Variants in RANBP9 observed in about 807,000 individuals in gnomAD.
RANBP9 encodes ran-binding protein 9.
A neutral mutation model predicts 84.3 loss-of-function variants in RANBP9; 15 were observed. The observed-to-expected ratio is 0.18, with a 90% CI of 0.12 to 0.27. The LOEUF is 0.27. Ranked by LOEUF, RANBP9 falls within the 10% of genes least tolerant of loss-of-function variation. RANBP9 has a pLI of 1.00. For missense variants in RANBP9, 809 were observed against 912.8 expected (o/e 0.89, Z 1.46); for synonymous variants, 392 against 349.6 (o/e 1.12, Z -1.35).
chr6:13,704,051 C>T (rs1025467970), intron 1 of RANBP9, among the ~76,000 whole-genome samples: 24 of 152,186 alleles, frequency 1.6e-4, no homozygotes, highest in Admixed American at 2.0e-4. Context: ...CACTATCATT[C>T]CTCATATCCT....
At chr6:13,676,864 C>G (rs1223542314) in intron 2 of RANBP9, among the ~76,000 whole-genome samples, 1 of 152,070 alleles carries the variant, frequency 6.6e-6, no homozygotes, top group African/African-American at 2.4e-5. Context: ...GGAGCTTCCT[C>G]AACTTAATAA....
chr6:13,658,845 G>A lies in RANBP9; in HGVS notation c.684-13C>T, dbSNP rs1562308173. On this transcript the variant is annotated splice_polypyrimidine_tract_variant and intron_variant, in intron 2 of 13. Coordinates refer to ENST00000011619, the MANE Select transcript of RANBP9 (RefSeq NM_005493.3). ...AATTCCCATGTAACTGTTGGCGGAG[G>A]TTGGGGGAGAGAAGAAAAGGACATT... 6.4e-7 allele frequency: 1 copy of A among 1,560,230 alleles called. No individual in the cohort carries two copies. Among genetic ancestry groups the A allele is most frequent in the East Asian group, 2.2e-5 (1 of 44,584 alleles).
chr6:13,699,473 G>A (rs1291206403), intron 1 of RANBP9, among the ~76,000 whole-genome samples: 1 of 152,168 alleles, frequency 6.6e-6, no homozygotes, highest in Non-Finnish European at 1.5e-5. Flanking sequence ...GGGACCAGAA[G>A]TGTTTTAGAT....
chr6:13,704,777 T>C (rs1366309539), intron 1 of RANBP9, among the ~76,000 whole-genome samples: 2 of 152,148 alleles, frequency 1.3e-5, no homozygotes, highest in East Asian at 1.9e-4. Flanking sequence ...TTGCAACACC[T>C]AGCCCCTCCC....
At chr6:13,675,503 G>A (rs1584936418) in intron 2 of RANBP9, among the ~76,000 whole-genome samples, 1 of 152,048 alleles carries the variant, frequency 6.6e-6, no homozygotes, top group Non-Finnish European at 1.5e-5. Flanking sequence ...AGTGCCTACA[G>A]AGAAATTTAT....
chr6:13,698,091 T>C (rs1200500812), intron 1 of RANBP9, among the ~76,000 whole-genome samples: 1 of 152,196 alleles, frequency 6.6e-6, no homozygotes, highest in Non-Finnish European at 1.5e-5. Context: ...CATGCCTTAT[T>C]ACTATTAAAC....
chr6:13,666,865 AG>A (rs1765663008), intron 2 of RANBP9, among the ~76,000 whole-genome samples: 8 of 152,086 alleles, frequency 5.3e-5, no homozygotes, highest in Admixed American at 5.2e-4. Context: ...GGGTGTCATA[AG>A]AGTTACCACT....
Position 13,644,286 on chromosome 6 carries a change from G to A in RANBP9, c.1112+259C>T, listed in dbSNP as rs112837006. Among the ~76,000 whole-genome samples the A allele has an allele frequency of 7.0e-3, 1,070 of 152,186 alleles. 10 individuals are homozygous for A. The highest frequency in any genetic ancestry group is 0.026 in the East Asian group (135 of 5,182). On this transcript the variant is annotated intron_variant, in intron 6 of 13. Coordinates refer to ENST00000011619, the MANE Select transcript of RANBP9 (RefSeq NM_005493.3). Reference sequence around the variant, plus strand: ...TAGCAAATGAATTAACCTAGCCTAGGTGACCTAACATCATTTTATTTCCTT... The same window carrying A: ...TAGCAAATGAATTAACCTAGCCTAGATGACCTAACATCATTTTATTTCCTT...
chr6:13,646,247 T>C (rs1438647271), intron 5 of RANBP9, among the ~76,000 whole-genome samples: 1 of 152,038 alleles, frequency 6.6e-6, no homozygotes, highest in Non-Finnish European at 1.5e-5. Flanking sequence ...CCGCCTCTAC[T>C]AAAAATACAA....
chr6:13,698,520 A>C (rs975193858), intron 1 of RANBP9, among the ~76,000 whole-genome samples: 1 of 152,216 alleles, frequency 6.6e-6, no homozygotes, highest in African/African-American at 2.4e-5. Flanking sequence ...GATTGTTACA[A>C]ATAAATCTAT....
intron 5 of RANBP9, among the ~76,000 whole-genome samples, chr6:13,647,400 G>A (rs945713772): frequency 2.0e-5 from 3 of 152,032 alleles, no homozygotes; most frequent in African/African-American, 7.2e-5. Context: ...TGAAAAAAAT[G>A]TACATTTTAT....
rs144503942 is a variant in RANBP9, at chr6:13,690,521, T to G, written c.683+6264A>C. Among the ~76,000 whole-genome samples, 6 of 152,260 alleles carry G rather than the reference T, an allele frequency of 3.9e-5. No homozygotes were observed. In the East Asian group the frequency reaches 1.2e-3, roughly 29 times the overall value. On this transcript the variant is annotated intron_variant, in intron 2 of 13. Transcript: ENST00000011619. The stretch of plus-strand genomic sequence containing the variant: ...AAGGAACATTCTGAAAGAGTGCACT[T>G]TATTATCAGCAGAAGAATTTAGGAA...
At chr6:13,688,982 CAA>C (rs1164073062) in intron 2 of RANBP9, among the ~76,000 whole-genome samples, 6 of 29,956 alleles carry the variant, frequency 2.0e-4, no homozygotes, top group Non-Finnish European at 3.6e-4. Flanking sequence ...CCCATCTCCA[CAA>C]AAAAAAAAAA....
chr6:13,633,573 C>T (rs899752143), intron 11 of RANBP9, among the ~76,000 whole-genome samples: 2 of 152,196 alleles, frequency 1.3e-5, no homozygotes, highest in Admixed American at 6.5e-5. Flanking sequence ...CAAGGTCACA[C>T]AGCTAGTAAA....
At chr6:13,660,443 A>C (rs1242355772) in intron 2 of RANBP9, among the ~76,000 whole-genome samples, 2 of 152,136 alleles carry the variant, frequency 1.3e-5, no homozygotes, top group African/African-American at 4.8e-5. Flanking sequence ...CAGGAGGTTG[A>C]GGCTGCAGTG....
intron 2 of RANBP9, among the ~76,000 whole-genome samples, chr6:13,680,543 C>T (rs1766010329): frequency 6.6e-6 from 1 of 151,890 alleles, no homozygotes; most frequent in African/African-American, 2.4e-5. Context: ...GAGTTCAAGA[C>T]AAGCCTGAGC....
At chr6:13,672,247 T>G (rs1160743280) in intron 2 of RANBP9, among the ~76,000 whole-genome samples, 1 of 152,106 alleles carries the variant, frequency 6.6e-6, no homozygotes, top group Non-Finnish European at 1.5e-5. Context: ...CTAACCTGCC[T>G]GAGAGGAGGG....
chr6:13,690,299 GT>G (rs897861193), intron 2 of RANBP9, among the ~76,000 whole-genome samples: 2 of 152,104 alleles, frequency 1.3e-5, no homozygotes, highest in African/African-American at 4.8e-5. Context: ...ACATATATTT[GT>G]TAAATAAATA....
intron 7 of RANBP9, among the ~76,000 whole-genome samples, chr6:13,641,590 CT>C (rs1765065337): frequency 6.6e-6 from 1 of 151,890 alleles, no homozygotes. Flanking sequence ...GTTTCAAACA[CT>C]GAGATTAAAA....
Sources: gnomAD v4.1 joint callset for allele counts (sites outside exome capture counted in the v4.1 genomes callset) on GRCh38, gnomAD v4.1.1 for gene constraint, MANE v1.5 for transcripts, NCBI Gene and HGNC (gene_info 2026-07-23, HGNC 2026-07-21) for gene names.